MERTK: variants seen among roughly 807,000 people sequenced by gnomAD.
The protein encoded by MERTK is tyrosine-protein kinase Mer.
MERTK carries 69 observed loss-of-function variants against 99.3 expected under a neutral mutation model. That is an observed-to-expected ratio of 0.70 (90% CI 0.57 to 0.85). The LOEUF is 0.85. Among genes scored for constraint, MERTK ranks in the 40% least tolerant of loss-of-function variants. The probability of loss-of-function intolerance (pLI) is 0.00; values close to 1 mark genes in which losing one functional copy is unlikely to be tolerated. For synonymous variants in MERTK, 426 were observed against 467.6 expected, an observed-to-expected ratio of 0.91 and a Z score of 1.15; for missense variants, 1,125 against 1,249.4, an observed-to-expected ratio of 0.90 and a Z score of 1.50.
In MERTK at chr2:112,019,495, A is replaced by G. The variant is rs778005207; in HGVS notation, c.2162A>G (p.His721Arg). The change falls in exon 16 of 19, where the codon CAT becomes CGT. Residue 721 changes from histidine (H) to arginine (R), a missense_variant. Coordinates refer to ENST00000295408, the MANE Select transcript of MERTK (RefSeq NM_006343.3). ...TATCTGAGCAACAGGAATTTTCTTC[A>G]TCGAGATTTAGCTGCTCGAAACTGC... ...MEYLSNRNFL[H>R]RDLAARNCML... 6.2e-7 allele frequency: 1 copy of G among 1,613,664 alleles called. No individual in the cohort carries two copies. The highest frequency in any genetic ancestry group is 8.5e-7 in the Non-Finnish European group (1 of 1,179,580).
In MERTK at chr2:112,010,070, A is replaced by ATGATCTCCTTGTGTTACCC; in HGVS notation, c.2079+5_2079+23dup. ...CCGATTGGAGACAGGACCAAAGGTA[A>ATGATCTCCTTGTGTTACCC]TGATCTCCTTGTGTTACCCCTGAAC... On this transcript the variant is annotated splice_donor_region_variant and intron_variant, in intron 15 of 18. Transcript: ENST00000295408. 1 of 1,583,988 alleles carries ATGATCTCCTTGTGTTACCC rather than the reference A, an allele frequency of 6.3e-7. No individual in the cohort carries two copies. The highest frequency in any genetic ancestry group is 8.7e-7 in the Non-Finnish European group (1 of 1,152,782).
intron 1 of MERTK, among the ~76,000 whole-genome samples, chr2:111,927,053 A>T (rs1231179714): frequency 6.6e-6 from 1 of 152,154 alleles, no homozygotes; most frequent in Non-Finnish European, 1.5e-5. Context: ...CAGCTGACCC[A>T]CATAGCCCTC....
intron 1 of MERTK, among the ~76,000 whole-genome samples, chr2:111,909,754 C>T (rs1274879080): frequency 6.6e-6 from 1 of 152,040 alleles, no homozygotes; most frequent in Non-Finnish European, 1.5e-5. Context: ...TCCCTGTACC[C>T]AGGGAGAAAT....
intron 18 of MERTK, among the ~76,000 whole-genome samples, chr2:112,024,373 T>A (rs1176715313): frequency 6.6e-6 from 1 of 152,246 alleles, no homozygotes; most frequent in African/African-American, 2.4e-5. Context: ...GAGTCGGTTT[T>A]CTGTGAGACA....
intron 1 of MERTK, among the ~76,000 whole-genome samples, chr2:111,911,979 G>A (rs1391574874): frequency 1.3e-5 from 2 of 150,280 alleles, no homozygotes; most frequent in Non-Finnish European, 3.0e-5. Flanking sequence ...ATGAGCCACT[G>A]TGCCTGGCTT....
intron 4 of MERTK, among the ~76,000 whole-genome samples, chr2:111,954,786 C>A (rs1311510690): frequency 6.6e-6 from 1 of 152,126 alleles, no homozygotes; most frequent in Non-Finnish European, 1.5e-5. Context: ...GGCGTGGGGC[C>A]CAGGCTGCTG....
Position 111,929,979 on chromosome 2 carries a change from A to T in MERTK, c.482+439A>T, listed in dbSNP as rs80032813. On this transcript the variant is annotated intron_variant, in intron 2 of 18. Coordinates refer to ENST00000295408, the MANE Select transcript of MERTK (RefSeq NM_006343.3). Reference sequence around the variant, plus strand: ...CTTTTGTTTTCTATTTAAGCAAACCACTGGTCCCTTTAGAGAGTTGAAGGA... The same window carrying T: ...CTTTTGTTTTCTATTTAAGCAAACCTCTGGTCCCTTTAGAGAGTTGAAGGA... Among the ~76,000 whole-genome samples, 143 of 152,304 alleles carry T rather than the reference A, an allele frequency of 9.4e-4. 1 individual carries two copies. The highest frequency in any genetic ancestry group is 3.1e-3 in the African/African-American group (130 of 41,546).
intron 1 of MERTK, among the ~76,000 whole-genome samples, chr2:111,914,761 A>G (rs952474714): frequency 3.3e-5 from 5 of 152,224 alleles, no homozygotes; most frequent in Non-Finnish European, 7.3e-5. Context: ...TGATTGTGGT[A>G]TATAATTATT....
At chr2:111,992,072 C>G (rs1221791095) in intron 8 of MERTK, among the ~76,000 whole-genome samples, 1 of 152,084 alleles carries the variant, frequency 6.6e-6, no homozygotes, top group African/African-American at 2.4e-5. Context: ...TAAAGAAATT[C>G]TTTGACCTAC....
At chr2:111,937,554 T>G (rs1684786502) in intron 2 of MERTK, among the ~76,000 whole-genome samples, 1 of 152,154 alleles carries the variant, frequency 6.6e-6, no homozygotes, top group Non-Finnish European at 1.5e-5. Flanking sequence ...CTGTGGATGC[T>G]GTGTTTTCGG....
At chr2:111,977,291 T>G (rs573638789) in intron 7 of MERTK, among the ~76,000 whole-genome samples, 1 of 152,336 alleles carries the variant, frequency 6.6e-6, no homozygotes, top group African/African-American at 2.4e-5. Context: ...TTAGCCTTCA[T>G]TTTTGAAAGG....
At chr2:111,966,623 T>G (rs1685362546) in intron 5 of MERTK, among the ~76,000 whole-genome samples, 1 of 152,238 alleles carries the variant, frequency 6.6e-6, no homozygotes, top group Non-Finnish European at 1.5e-5. Flanking sequence ...CCCAAACTTC[T>G]GTTTTTGGCT....
intron 1 of MERTK, among the ~76,000 whole-genome samples, chr2:111,899,296 G>A (rs745493339): frequency 2.0e-5 from 3 of 152,160 alleles, no homozygotes; most frequent in African/African-American, 7.2e-5. Flanking sequence ...GCCGCAGTCC[G>A]GGAGCCGCGA....
intron 15 of MERTK, 90 bp from the exon 16 acceptor site, chr2:112,019,323 T>A: frequency 1.1e-6 from 1 of 909,706 alleles, no homozygotes; most frequent in Non-Finnish European, 1.9e-6. Context: ...CTGTAATAAA[T>A]TAAAGCATCC....
At chr2:111,984,250 G>A (rs1050724210) in intron 8 of MERTK, among the ~76,000 whole-genome samples, 9 of 152,040 alleles carry the variant, frequency 5.9e-5, no homozygotes, top group Admixed American at 4.6e-4. Context: ...ATTGAATGAG[G>A]CCCAGCCACA....
intron 6 of MERTK, among the ~76,000 whole-genome samples, chr2:111,970,561 G>C (rs904219724): frequency 2.6e-5 from 4 of 152,180 alleles, no homozygotes; most frequent in African/African-American, 9.7e-5. Flanking sequence ...CTATCTAATT[G>C]TGTCTATATT....
chr2:112,011,360 A>G (rs1264290348), intron 15 of MERTK, among the ~76,000 whole-genome samples: 2 of 152,188 alleles, frequency 1.3e-5, no homozygotes, highest in East Asian at 1.9e-4. Context: ...CCCTGTATCT[A>G]CAAACCTGGG....
intron 4 of MERTK, among the ~76,000 whole-genome samples, chr2:111,957,416 A>C (rs1423933677): frequency 6.7e-6 from 1 of 149,386 alleles, no homozygotes; most frequent in African/African-American, 2.5e-5. Context: ...CCATTTCCTC[A>C]CTCCTACTCT....
intron 4 of MERTK, among the ~76,000 whole-genome samples, chr2:111,955,035 C>G (rs1037878835): frequency 6.6e-6 from 1 of 152,004 alleles, no homozygotes; most frequent in East Asian, 1.9e-4. Flanking sequence ...AGAGTAGCTG[C>G]CCCTGACATG....
Sources: gnomAD v4.1 joint callset for allele counts (sites outside exome capture counted in the v4.1 genomes callset) on GRCh38, gnomAD v4.1.1 for gene constraint, MANE v1.5 for transcripts, NCBI Gene and HGNC (gene_info 2026-07-23, HGNC 2026-07-21) for gene names.